Variants in PRELID2 observed in about 807,000 individuals in gnomAD.
The protein encoded by PRELID2 is PRELI domain-containing protein 2.
In PRELID2, 25 loss-of-function variants were observed where a neutral mutation model predicts 28.4. The ratio of observed to expected loss-of-function variants is 0.88; its 90% confidence interval spans 0.64 to 1.23. The LOEUF (loss-of-function observed/expected upper bound fraction) is 1.23, where lower values mean the gene tolerates loss of function less well. Among genes scored for constraint, PRELID2 ranks in the 50% most tolerant of loss-of-function variants. The pLI is 0.00. For missense variants in PRELID2, 201 were observed against 214.4 expected (o/e 0.94, Z 0.39); for synonymous variants, 76 against 71.6 (o/e 1.06, Z -0.31).
chr5:145,394,562 C>T, the PRELID2 span, among the ~76,000 whole-genome samples: 1 of 151,892 alleles, frequency 6.6e-6, no homozygotes, highest in Admixed American at 6.6e-5. Context: ...TGCACATGTA[C>T]CCTAAAACTT....
chr5:145,428,730 G>T, the PRELID2 span, among the ~76,000 whole-genome samples: 8 of 152,096 alleles, frequency 5.3e-5, no homozygotes, highest in Non-Finnish European at 7.3e-5. Context: ...TTTATTGGGG[G>T]CTATTTAAAT....
At chr5:145,760,973 T>C (rs1471947268) in intron 6 of PRELID2, among the ~76,000 whole-genome samples, 2 of 152,226 alleles carry the variant, frequency 1.3e-5, no homozygotes, top group Non-Finnish European at 2.9e-5. Context: ...TGTCTCCATT[T>C]TGGCTCATGA....
the PRELID2 span, among the ~76,000 whole-genome samples, chr5:145,249,937 G>GTCTCTCTC: frequency 8.8e-4 from 122 of 138,694 alleles, 1 homozygote; most frequent in African/African-American, 2.8e-3. Flanking sequence ...CTCTCTCTCT[G>GTCTCTCTC]TCTCTCTCTC....
chr5:145,375,151 T>G, the PRELID2 span, among the ~76,000 whole-genome samples: 1 of 152,106 alleles, frequency 6.6e-6, no homozygotes, highest in Non-Finnish European at 1.5e-5. Flanking sequence ...TGCTGACCCT[T>G]GAATGCAGTT....
At chr5:145,581,218 C>A (rs145101576) in intron 1 of PRELID2, among the ~76,000 whole-genome samples, 1 of 152,042 alleles carries the variant, frequency 6.6e-6, no homozygotes, top group African/African-American at 2.4e-5. Flanking sequence ...CATTCCCAAA[C>A]CATCTTCTAC....
intron 1 of PRELID2, among the ~76,000 whole-genome samples, chr5:145,696,654 G>A (rs1386257266): frequency 6.6e-6 from 1 of 151,800 alleles, no homozygotes; most frequent in Non-Finnish European, 1.5e-5. Context: ...TGTAGAGACG[G>A]AGTTGCACCA....
chr5:145,284,130 T>G, the PRELID2 span, among the ~76,000 whole-genome samples: 1 of 152,218 alleles, frequency 6.6e-6, no homozygotes, highest in Non-Finnish European at 1.5e-5. Flanking sequence ...AATATCTTCC[T>G]CATGTGTTTA....
At chr5:145,805,601 T>G (rs1470211162) in intron 4 of PRELID2, among the ~76,000 whole-genome samples, 1 of 151,880 alleles carries the variant, frequency 6.6e-6, no homozygotes, top group Non-Finnish European at 1.5e-5. Context: ...TCAAAACAAC[T>G]CAAAGGAAAA....
intron 4 of PRELID2, among the ~76,000 whole-genome samples, chr5:145,815,868 C>T (rs745539507): frequency 6.6e-6 from 1 of 151,988 alleles, no homozygotes; most frequent in Non-Finnish European, 1.5e-5. Flanking sequence ...AAGTTTTGTA[C>T]AAGTTTTTGT....
intron 1 of PRELID2, among the ~76,000 whole-genome samples, chr5:145,493,216 GCTCC>G (rs1350048855): frequency 3.1e-5 from 3 of 95,656 alleles, no homozygotes; most frequent in Admixed American, 1.1e-4. Flanking sequence ...CCACCATCTT[GCTCC>G]CAGATTGTCC....
At chr5:145,384,203 G>A in the PRELID2 span, among the ~76,000 whole-genome samples, 1 of 152,086 alleles carries the variant, frequency 6.6e-6, no homozygotes, top group East Asian at 1.9e-4. Flanking sequence ...TTCATACTTC[G>A]CTAAAGAGAG....
chr5:145,299,648 T>C, the PRELID2 span, among the ~76,000 whole-genome samples: 2 of 145,342 alleles, frequency 1.4e-5, no homozygotes, highest in East Asian at 2.2e-4. Context: ...TGTGTGCGTG[T>C]GTGTGTGTGT....
intron 4 of PRELID2, among the ~76,000 whole-genome samples, chr5:145,798,882 G>A (rs1752942360): frequency 6.6e-6 from 1 of 152,056 alleles, no homozygotes; most frequent in South Asian, 2.1e-4. Context: ...AGTGGGTGGG[G>A]GCCTAGGGGA....
chr5:145,754,547 T>C (rs1182548807), downstream of PRELID2, among the ~76,000 whole-genome samples: 1 of 152,180 alleles, frequency 6.6e-6, no homozygotes, highest in Non-Finnish European at 1.5e-5. Context: ...AATAAACTCA[T>C]ACTAAGTTGT....
chr5:145,235,605 T>C, the PRELID2 span, among the ~76,000 whole-genome samples: 1 of 152,188 alleles, frequency 6.6e-6, no homozygotes, highest in Non-Finnish European at 1.5e-5. Context: ...GGTTCACTTC[T>C]GTTTCAATTG....
chr5:145,814,980 G>A (rs1371879687), intron 4 of PRELID2, among the ~76,000 whole-genome samples: 1 of 152,174 alleles, frequency 6.6e-6, no homozygotes, highest in African/African-American at 2.4e-5. Context: ...TGTATGTTAC[G>A]ACTGCATGTC....
rs757379063 is a variant in PRELID2 at position 145,818,037 on chromosome 5, T to C, written c.225A>G (p.Val75=). 5.9e-5 allele frequency: 95 copies of C among 1,612,174 alleles called. No individual in the cohort carries two copies. Among genetic ancestry groups the C allele is most frequent in the Non-Finnish European group, 7.5e-5 (88 of 1,179,166 alleles). ...ACTCCTCTTCTAATTGGATATTAGG[T>C]ACTTTCAAAATGCTCACCTGTCCAA... ...EILRKVSILK[V]PNIQLEEESW... The change falls in exon 4 of 7, where the codon GTA becomes GTG. Residue 75 remains valine (V), a synonymous_variant. Coordinates refer to ENST00000683046, the MANE Select transcript of PRELID2 (RefSeq NM_205846.3).
the PRELID2 span, among the ~76,000 whole-genome samples, chr5:145,444,822 T>C: frequency 6.6e-6 from 1 of 152,070 alleles, no homozygotes; most frequent in Non-Finnish European, 1.5e-5. Context: ...AGATTATGTA[T>C]GTAAATACAA....
chr5:145,621,129 G>A (rs1002753489), intron 1 of PRELID2, among the ~76,000 whole-genome samples: 1 of 152,144 alleles, frequency 6.6e-6, no homozygotes, highest in African/African-American at 2.4e-5. Flanking sequence ...CAAAGTATCT[G>A]AATAGACATT....
Sources: allele counts gnomAD v4.1 joint callset (sites outside exome capture counted in the v4.1 genomes callset), GRCh38; gene constraint gnomAD v4.1.1; transcripts MANE v1.5; gene names NCBI Gene and HGNC (gene_info 2026-07-23, HGNC 2026-07-21).